SPATA6L: variants seen among roughly 807,000 people sequenced by gnomAD.
SPATA6L encodes spermatogenesis associated 6-like protein.
SPATA6L carries 68 observed loss-of-function variants against 49.2 expected under a neutral mutation model. The observed-to-expected ratio is 1.38, with a 90% CI of 1.14 to 1.69. The LOEUF (loss-of-function observed/expected upper bound fraction) is 1.69, where lower values mean the gene tolerates loss of function less well. Ranked by LOEUF, SPATA6L falls within the 40% of genes most tolerant of loss-of-function variation. SPATA6L has a pLI of 0.00. For missense variants in SPATA6L, 668 were observed against 464.3 expected (o/e 1.44, Z -4.03); for synonymous variants, 198 against 165.7 (o/e 1.19, Z -1.50).
chr9:4,658,742 A>T (rs1358651573), intron 2 of SPATA6L, among the ~76,000 whole-genome samples: 1 of 152,204 alleles, frequency 6.6e-6, no homozygotes, highest in Non-Finnish European at 1.5e-5. Context: ...CTGTAATCCC[A>T]GCACTTTGGA....
Position 4,648,428 on chromosome 9 carries a change from C to G in SPATA6L, c.226+7613G>C, listed in dbSNP as rs184519449. Among the ~76,000 whole-genome samples the G allele has an allele frequency of 3.7e-3, 565 of 152,062 alleles. 8 individuals carry two copies. Among genetic ancestry groups the G allele is most frequent in the African/African-American group, 0.012 (518 of 41,496 alleles). On this transcript the variant is annotated intron_variant, in intron 3 of 11. Transcript: ENST00000682582. ...TGATTATAAGTTCTTGGCTGGGCAC[C>G]GTGGCTCACGCCTGTAATCCCAGCA...
intron 9 of SPATA6L, among the ~76,000 whole-genome samples, chr9:4,611,213 G>A (rs1482058301): frequency 6.9e-6 from 1 of 145,704 alleles, no homozygotes; most frequent in African/African-American, 2.8e-5. Flanking sequence ...CTGTAAACTA[G>A]TTCAACCATT....
rs1278984773 is a variant in SPATA6L at position 4,606,404 on chromosome 9, C to G, written c.996-964G>C. Among the ~76,000 whole-genome samples, 5 of 101,472 alleles carry G rather than the reference C, an allele frequency of 4.9e-5. No homozygotes were observed. In the South Asian group the frequency reaches 1.0e-3, roughly 21 times the overall value. 66.6% of individuals were successfully genotyped at this position (101,472 alleles called of 152,430 possible). ...TGCAGACTTAAATGTCCCTGTCTGACAGCTTTGAAGAGAGCAGTGGTTCTC... is the reference window on the plus strand; with the variant it reads ...TGCAGACTTAAATGTCCCTGTCTGAGAGCTTTGAAGAGAGCAGTGGTTCTC... On this transcript the variant is annotated intron_variant, in intron 9 of 11. Transcript: ENST00000682582.
chr9:4,611,209 A>G (rs1210158775), intron 9 of SPATA6L, among the ~76,000 whole-genome samples: 2 of 145,728 alleles, frequency 1.4e-5, no homozygotes, highest in Non-Finnish European at 3.0e-5. Flanking sequence ...GGGACTGTAA[A>G]CTAGTTCAAC....
At chr9:4,638,029 G>C (rs949517491) in intron 3 of SPATA6L, among the ~76,000 whole-genome samples, 3 of 152,106 alleles carry the variant, frequency 2.0e-5, no homozygotes, top group African/African-American at 7.2e-5. Flanking sequence ...TATAGACACT[G>C]GATTTACACT....
rs10120231 is a variant in SPATA6L at position 4,653,863 on chromosome 9, G to C, written c.226+2178C>G. 1.7e-3 allele frequency among the ~76,000 whole-genome samples: 253 copies of C among 152,346 alleles called. 1 individual carries two copies. Among genetic ancestry groups the C allele is most frequent in the African/African-American group, 5.5e-3 (230 of 41,570 alleles). On this transcript the variant is annotated intron_variant, in intron 3 of 11. Coordinates refer to ENST00000682582, the MANE Select transcript of SPATA6L (RefSeq NM_001353486.2). ...GAGGTGGGAAGATCACTTGAGCCCA[G>C]AAAGTTGAGGCTTCAGTAAGCTATG...
At chr9:4,602,867 A>G (rs1025469522) in intron 11 of SPATA6L, among the ~76,000 whole-genome samples, 1 of 152,204 alleles carries the variant, frequency 6.6e-6, no homozygotes, top group Non-Finnish European at 1.5e-5. Context: ...GTAAGATGGA[A>G]CTAATGATAG....
chr9:4,628,078 T>C (rs543404932), intron 5 of SPATA6L: 294 of 318,676 alleles, frequency 9.2e-4, no homozygotes, highest in Non-Finnish European at 1.6e-3. Flanking sequence ...AGACAGAGAG[T>C]AGAATGATGG....
chr9:4,651,254 T>C (rs1301715781), intron 3 of SPATA6L, among the ~76,000 whole-genome samples: 4 of 152,078 alleles, frequency 2.6e-5, no homozygotes, highest in African/African-American at 4.8e-5. Flanking sequence ...GCCAATGAAT[T>C]AGATAAATGA....
At chr9:4,650,823 CTT>C (rs1491327102) in intron 3 of SPATA6L, among the ~76,000 whole-genome samples, 3 of 131,388 alleles carry the variant, frequency 2.3e-5, no homozygotes, top group Non-Finnish European at 4.8e-5. Context: ...CCAAACCCAG[CTT>C]GTGTGTGTGT....
At chr9:4,652,678 C>A (rs1243907781) in intron 3 of SPATA6L, among the ~76,000 whole-genome samples, 1 of 150,836 alleles carries the variant, frequency 6.6e-6, no homozygotes, top group Non-Finnish European at 1.5e-5. Flanking sequence ...CCCGTTTCTA[C>A]TAAAAATACA....
intron 11 of SPATA6L, 58 bp downstream of exon 11, chr9:4,604,121 T>A: frequency 8.3e-7 from 1 of 1,207,804 alleles, no homozygotes; most frequent in South Asian, 1.4e-5. Context: ...ACTGAAATTC[T>A]TTTAGCAAAC....
intron 3 of SPATA6L, among the ~76,000 whole-genome samples, chr9:4,648,112 G>C (rs1056946414): frequency 6.6e-6 from 1 of 152,034 alleles, no homozygotes; most frequent in Non-Finnish European, 1.5e-5. Context: ...TGGGATTACA[G>C]ATATAAGCCA....
intron 9 of SPATA6L, among the ~76,000 whole-genome samples, chr9:4,607,344 A>T (rs1191958270): frequency 1.3e-5 from 2 of 152,128 alleles, no homozygotes; most frequent in African/African-American, 4.8e-5. Context: ...CATAATTGTC[A>T]GATTCACCAA....
Position 4,662,735 on chromosome 9 carries a change from C to T in SPATA6L, c.40-699G>A. On this transcript the variant is annotated intron_variant, in intron 1 of 11. Coordinates refer to ENST00000682582, the MANE Select transcript of SPATA6L (RefSeq NM_001353486.2). This position sits in a 1 kb window ranked among gnomAD's most constrained non-coding sequence, Gnocchi z 4.9. Reference sequence around the variant, plus strand: ...GGCTGTCCAAGAAGCTGGGGGTGTGCGCGGGAGAGAGCTCGTCGTGGGGCA... The same window carrying T: ...GGCTGTCCAAGAAGCTGGGGGTGTGTGCGGGAGAGAGCTCGTCGTGGGGCA... 1.9e-6 allele frequency: 3 copies of T among 1,603,092 alleles called. No homozygotes were observed. The highest frequency in any genetic ancestry group is 2.5e-6 in the Non-Finnish European group (3 of 1,179,914).
chr9:4,663,598 G>C (rs1227028661), intron 1 of SPATA6L: 2 of 267,480 alleles, frequency 7.5e-6, no homozygotes, highest in South Asian at 8.0e-5. Context: ...TTTGTGTTTT[G>C]TGATAATCCC....
intron 3 of SPATA6L, among the ~76,000 whole-genome samples, chr9:4,636,257 T>C (rs1295605230): frequency 1.3e-5 from 2 of 152,236 alleles, no homozygotes; most frequent in African/African-American, 2.4e-5. Context: ...TGCTTCATTA[T>C]GCTTGATACT....
chr9:4,651,571 A>T (rs1836858775), intron 3 of SPATA6L, among the ~76,000 whole-genome samples: 1 of 152,234 alleles, frequency 6.6e-6, no homozygotes, highest in South Asian at 2.1e-4. Flanking sequence ...ATCTCTTATG[A>T]TTGTAAATCC....
At chr9:4,595,681 G>A (rs186553954), downstream of SPATA6L, among the ~76,000 whole-genome samples, 20 of 152,074 alleles carry the variant, frequency 1.3e-4, no homozygotes, top group African/African-American at 4.1e-4. Context: ...AATAAGTTCT[G>A]GGCCTCCAAC....
Sources: gnomAD v4.1 joint callset for allele counts (sites outside exome capture counted in the v4.1 genomes callset) on GRCh38, gnomAD v4.1.1 for gene constraint, Gnocchi (gnomAD v3.1) non-coding constraint, MANE v1.5 for transcripts, NCBI Gene and HGNC (gene_info 2026-07-23, HGNC 2026-07-21) for gene names.